GOLPH3: variants seen among roughly 807,000 people sequenced by gnomAD.
GOLPH3 encodes the protein coat protein GPP34.
A neutral mutation model predicts 28.5 loss-of-function variants in GOLPH3; 14 were observed. The observed-to-expected ratio is 0.49, with a 90% CI of 0.32 to 0.77. The LOEUF (loss-of-function observed/expected upper bound fraction) is 0.77. Among genes scored for constraint, GOLPH3 ranks in the 30% least tolerant of loss-of-function variants. GOLPH3 has a pLI of 0.03. For synonymous variants in GOLPH3, 158 were observed against 159.2 expected, an observed-to-expected ratio of 0.99 and a Z score of 0.06; for missense variants, 350 against 393.7, an observed-to-expected ratio of 0.89 and a Z score of 0.94.
chr5:32,141,071 G>A (rs1467382128), intron 2 of GOLPH3, among the ~76,000 whole-genome samples: 4 of 150,402 alleles, frequency 2.7e-5, no homozygotes, highest in African/African-American at 4.9e-5. Context: ...GCTGAGGCAC[G>A]TAAATCACTT....
Position 32,137,296 on chromosome 5 carries a change from A to C in GOLPH3, c.358-1610T>G, listed in dbSNP as rs540306938. On this transcript the variant is annotated intron_variant, in intron 2 of 3. Coordinates refer to ENST00000265070, the MANE Select transcript of GOLPH3 (RefSeq NM_022130.4). ...TTTTAAAATTGTCCCGACTAGCAGA[A>C]AGCTTAAAGAAATTATCAATAGCGT... is the stretch of plus-strand genomic sequence containing the variant. Among the ~76,000 whole-genome samples the C allele has an allele frequency of 5.8e-4, 89 of 152,226 alleles. 1 individual carries two copies. The South Asian group carries it at 0.018, about 31-fold the overall frequency.
chr5:32,166,761 G>A (rs1049061227), intron 1 of GOLPH3, among the ~76,000 whole-genome samples: 3 of 151,366 alleles, frequency 2.0e-5, no homozygotes, highest in Admixed American at 1.3e-4. Context: ...GGGCCAAGAC[G>A]GTGCCATTGC....
chr5:32,168,647 A>C (rs1323835196), intron 1 of GOLPH3, among the ~76,000 whole-genome samples: 2 of 152,190 alleles, frequency 1.3e-5, no homozygotes, highest in African/African-American at 4.8e-5. Flanking sequence ...AGCTCAAAGA[A>C]CCATGCCAAA....
Position 32,126,306 on chromosome 5 carries a change from A to T in GOLPH3, c.803T>A (p.Val268Glu). Reference protein sequence around the residue: ...DEQYDLATKRVRQLLDLDPEV... With the variant: ...DEQYDLATKRERQLLDLDPEV... ...AGGGTCTAAGTCGAGAAGCTGCCGCACTCTCTTGGTAGCCAAATCATACTG... is the reference window on the plus strand; with the variant it reads ...AGGGTCTAAGTCGAGAAGCTGCCGCTCTCTCTTGGTAGCCAAATCATACTG... The change falls in exon 4 of 4, where the codon GTG (valine) becomes GAG (glutamate). Residue 268 changes from valine (V) to glutamate (E), a missense_variant. Transcript: ENST00000265070. 1.2e-6 allele frequency: 2 copies of T among 1,613,972 alleles called. No homozygotes were observed. The highest frequency in any genetic ancestry group is 1.7e-6 in the Non-Finnish European group (2 of 1,179,996).
chr5:32,167,003 A>C (rs1246062779), intron 1 of GOLPH3, among the ~76,000 whole-genome samples: 1 of 152,148 alleles, frequency 6.6e-6, no homozygotes, highest in Non-Finnish European at 1.5e-5. Context: ...AAAAGTGTAC[A>C]GCCAAAAGCT....
At chr5:32,146,846 G>C in intron 1 of GOLPH3, among the ~76,000 whole-genome samples, 1 of 151,854 alleles carries the variant, frequency 6.6e-6, no homozygotes, top group Non-Finnish European at 1.5e-5. Context: ...GGCCATACTG[G>C]AAGAATTATT....
intron 1 of GOLPH3, among the ~76,000 whole-genome samples, chr5:32,152,556 C>T (rs184935518): frequency 0.015 from 2,141 of 146,044 alleles, 20 homozygotes; most frequent in Non-Finnish European, 0.024. Context: ...GCGAGGCGGG[C>T]GGATCACTTG....
intron 2 of GOLPH3, among the ~76,000 whole-genome samples, chr5:32,135,974 A>G (rs1367132701): frequency 6.6e-6 from 1 of 152,178 alleles, no homozygotes; most frequent in Non-Finnish European, 1.5e-5. Context: ...CAGGAATTCG[A>G]TACCAGCCCG....
At chr5:32,150,142 A>C (rs1199194976) in intron 1 of GOLPH3, among the ~76,000 whole-genome samples, 1 of 152,170 alleles carries the variant, frequency 6.6e-6, no homozygotes, top group Non-Finnish European at 1.5e-5. Flanking sequence ...TACAAACAAA[A>C]TACACATGTT....
chr5:32,142,693 G>C (rs1483754996), intron 2 of GOLPH3, among the ~76,000 whole-genome samples: 2 of 147,798 alleles, frequency 1.4e-5, no homozygotes, highest in African/African-American at 5.1e-5. Context: ...CGTCCGGGAG[G>C]GAGGTGGGGG....
rs1335247286 is a variant in GOLPH3 at position 32,161,390 on chromosome 5, C to CAT, written c.225+12418_225+12419dup. Among the ~76,000 whole-genome samples, 4 of 118,566 alleles carry CAT rather than the reference C, an allele frequency of 3.4e-5. No homozygotes were observed. The East Asian group carries it at 1.1e-3, about 32-fold the overall frequency. 77.8% of individuals were successfully genotyped at this position (118,566 alleles called of 152,430 possible). ...CTGGACTCCACCCTGGGTGACAGAG[C>CAT]ATACCTTGTCTCAAAAAAAAAAAAC... is the stretch of plus-strand genomic sequence containing the variant. On this transcript the variant is annotated intron_variant, in intron 1 of 3. Transcript: ENST00000265070.
intron 2 of GOLPH3, among the ~76,000 whole-genome samples, chr5:32,137,020 C>A (rs1049042308): frequency 9.2e-5 from 14 of 151,986 alleles, no homozygotes; most frequent in Non-Finnish European, 1.6e-4. Flanking sequence ...TGCAGTGGCG[C>A]AATCTCGGCT....
Position 32,134,118 on chromosome 5 carries a change from C to T in GOLPH3, c.472+1454G>A, listed in dbSNP as rs60629659. On this transcript the variant is annotated intron_variant, in intron 3 of 3. Coordinates refer to ENST00000265070, the MANE Select transcript of GOLPH3 (RefSeq NM_022130.4). ...GAGCATGGTGATTCATGCTTATAGT[C>T]CCAGGGCTTTAGGAAGCCTTGATGA... is the stretch of plus-strand genomic sequence containing the variant. Among the ~76,000 whole-genome samples the T allele has an allele frequency of 7.4e-3, 1,131 of 152,194 alleles. 18 individuals are homozygous for T. The highest frequency in any genetic ancestry group is 0.026 in the African/African-American group (1,084 of 41,522).
At chr5:32,159,335 T>C (rs1227154127) in intron 1 of GOLPH3, among the ~76,000 whole-genome samples, 3 of 152,250 alleles carry the variant, frequency 2.0e-5, no homozygotes, top group African/African-American at 7.2e-5. Context: ...CCAAATGTAA[T>C]TTTACACAAT....
chr5:32,129,912 G>A (rs1403242069), intron 3 of GOLPH3, among the ~76,000 whole-genome samples: 13 of 152,012 alleles, frequency 8.6e-5, no homozygotes, highest in Admixed American at 8.5e-4. Context: ...TGTGATCAGG[G>A]CTCACTGCAA....
intron 2 of GOLPH3, among the ~76,000 whole-genome samples, chr5:32,142,325 T>C (rs530843093): frequency 3.9e-4 from 57 of 145,196 alleles, no homozygotes; most frequent in African/African-American, 1.2e-3. Context: ...ACCCTCTGCC[T>C]GGCAACCGCC....
At chr5:32,154,943 C>A (rs939626861) in intron 1 of GOLPH3, among the ~76,000 whole-genome samples, 18 of 151,954 alleles carry the variant, frequency 1.2e-4, no homozygotes, top group Non-Finnish European at 2.2e-4. Context: ...ATTAGCCAGG[C>A]GTGGTGGCAT....
chr5:32,144,667 G>C (rs1178189421), intron 1 of GOLPH3, among the ~76,000 whole-genome samples: 1 of 152,174 alleles, frequency 6.6e-6, no homozygotes, highest in African/African-American at 2.4e-5. Flanking sequence ...GATGGCTATA[G>C]GCCTAAAATT....
At chr5:32,160,538 T>C (rs1009493097) in intron 1 of GOLPH3, among the ~76,000 whole-genome samples, 2 of 152,282 alleles carry the variant, frequency 1.3e-5, no homozygotes, top group Admixed American at 1.3e-4. Flanking sequence ...AATACTGATA[T>C]AAATAAAATG....
Sources: allele counts gnomAD v4.1 joint callset (sites outside exome capture counted in the v4.1 genomes callset), GRCh38; gene constraint gnomAD v4.1.1; transcripts MANE v1.5; gene names NCBI Gene and HGNC (gene_info 2026-07-23, HGNC 2026-07-21).